RIMS2: variants seen among roughly 807,000 people sequenced by gnomAD.
RIMS2 encodes regulating synaptic membrane exocytosis 2, also known as regulating synaptic membrane exocytosis protein 2.
A neutral mutation model predicts 174.4 loss-of-function variants in RIMS2; 59 were observed. That is an observed-to-expected ratio of 0.34 (90% CI 0.27 to 0.42). RIMS2 has a LOEUF of 0.42. Among genes scored for constraint, RIMS2 ranks in the 10% least tolerant of loss-of-function variants. The pLI is 1.00. For missense variants in RIMS2, 1,620 were observed against 1,666.3 expected, an observed-to-expected ratio of 0.97 and a Z score of 0.48; for synonymous variants, 606 against 572.5, an observed-to-expected ratio of 1.06 and a Z score of -0.84.
chr8:103,899,004 G>A (rs2099311027), intron 4 of RIMS2, among the ~76,000 whole-genome samples: 1 of 151,438 alleles, frequency 6.6e-6, no homozygotes. Context: ...AGTTTGCTGA[G>A]AATGGTGGTT....
chr8:103,565,962 CA>C (rs1200687744), intron 1 of RIMS2, among the ~76,000 whole-genome samples: 1 of 151,862 alleles, frequency 6.6e-6, no homozygotes, highest in East Asian at 1.9e-4. Flanking sequence ...TTGTCAAAAC[CA>C]AAAAATGTTT....
chr8:103,664,597 A>T (rs1292767544), intron 1 of RIMS2, among the ~76,000 whole-genome samples: 1 of 152,218 alleles, frequency 6.6e-6, no homozygotes, highest in East Asian at 1.9e-4. Context: ...TGCCAGTTAG[A>T]ATGGCAATCA....
intron 3 of RIMS2, among the ~76,000 whole-genome samples, chr8:103,792,383 G>C (rs1210699836): frequency 6.6e-6 from 1 of 152,144 alleles, no homozygotes; most frequent in Non-Finnish European, 1.5e-5. Flanking sequence ...TAAGAACAAA[G>C]AAACAATGTA....
intron 1 of RIMS2, among the ~76,000 whole-genome samples, chr8:103,562,190 C>T (rs1448220866): frequency 6.6e-6 from 1 of 152,200 alleles, no homozygotes; most frequent in Non-Finnish European, 1.5e-5. Context: ...CTAACAGTCT[C>T]CCAAAGTCTT....
chr8:103,814,511 C>T (rs1360213083), intron 3 of RIMS2, among the ~76,000 whole-genome samples: 4 of 151,710 alleles, frequency 2.6e-5, no homozygotes, highest in Admixed American at 6.6e-5. Flanking sequence ...TTTGGTTGCT[C>T]TTGTCATTTG....
chr8:103,561,475 C>T (rs1444653558), intron 1 of RIMS2, among the ~76,000 whole-genome samples: 2 of 152,092 alleles, frequency 1.3e-5, no homozygotes, highest in Non-Finnish European at 2.9e-5. Context: ...AAAATTATTT[C>T]TCTGTTATGA....
At chr8:104,193,643 A>C (rs1435378247) in intron 19 of RIMS2, among the ~76,000 whole-genome samples, 4 of 152,202 alleles carry the variant, frequency 2.6e-5, no homozygotes, top group African/African-American at 9.6e-5. Context: ...TAACATGCCA[A>C]TATCAGTACA....
At chr8:103,814,898 GAT>G (rs2098709774) in intron 3 of RIMS2, among the ~76,000 whole-genome samples, 1 of 152,092 alleles carries the variant, frequency 6.6e-6, no homozygotes, top group Non-Finnish European at 1.5e-5. Flanking sequence ...CATTGCTAAT[GAT>G]ATAGCTAATC....
chr8:104,034,462 CTTTTTTTTTTTTTTTTT>C (rs200907072), intron 19 of RIMS2, among the ~76,000 whole-genome samples: 1 of 118,346 alleles, frequency 8.4e-6, no homozygotes, highest in Non-Finnish European at 1.8e-5. Context: ...CTTGCAGTAT[CTTTTTTTTTTTTTTTTT>C]TTTTTTTTGA....
At chr8:103,931,485 T>G in intron 12 of RIMS2, 92 bp downstream of exon 14, 1 of 846,032 alleles carries the variant, frequency 1.2e-6, no homozygotes, top group East Asian at 2.7e-5. Flanking sequence ...TTTATTGGTA[T>G]CATACTAGTG....
chr8:103,735,754 C>T (rs1253384166), intron 2 of RIMS2, among the ~76,000 whole-genome samples: 6 of 152,108 alleles, frequency 3.9e-5, no homozygotes, highest in Non-Finnish European at 4.4e-5. Flanking sequence ...AAATTATAAA[C>T]CTGTGTGTGC....
chr8:103,606,579 C>T (rs931249731), intron 1 of RIMS2, among the ~76,000 whole-genome samples: 22 of 152,136 alleles, frequency 1.4e-4, no homozygotes, highest in African/African-American at 4.8e-4. Context: ...TCTCATTGAT[C>T]TGTCTAATAT....
At chr8:103,989,319 A>C (rs772443154) in exon 17 of RIMS2, 1 of 1,606,982 alleles carries the variant, frequency 6.2e-7, no homozygotes, top group Non-Finnish European at 8.5e-7. Flanking sequence ...AATGTGGAAC[A>C]GGGGCTTCGA....
intron 19 of RIMS2, chr8:104,093,541 G>C: frequency 6.3e-7 from 1 of 1,597,202 alleles, no homozygotes; most frequent in African/African-American, 1.3e-5. Flanking sequence ...AGTGATGTAA[G>C]TGATATATCT....
chr8:104,104,135 C>CTG (rs982821348), intron 19 of RIMS2, among the ~76,000 whole-genome samples: 5 of 152,130 alleles, frequency 3.3e-5, no homozygotes, highest in African/African-American at 1.2e-4. Context: ...CTAATACTGC[C>CTG]TGATGGCCTT....
chr8:103,613,636 C>T (rs2095438233), intron 1 of RIMS2, among the ~76,000 whole-genome samples: 2 of 152,146 alleles, frequency 1.3e-5, no homozygotes, highest in African/African-American at 2.4e-5. Flanking sequence ...TTCACTATAG[C>T]CACCGCAGCT....
At chr8:104,108,151 T>G (rs548729372) in intron 19 of RIMS2, among the ~76,000 whole-genome samples, 1 of 152,196 alleles carries the variant, frequency 6.6e-6, no homozygotes, top group Non-Finnish European at 1.5e-5. Flanking sequence ...AGAATTCTCT[T>G]TACACTTTTC....
At chr8:103,675,746 T>A (rs867313603) in intron 1 of RIMS2, among the ~76,000 whole-genome samples, 1 of 152,118 alleles carries the variant, frequency 6.6e-6, no homozygotes, top group Non-Finnish European at 1.5e-5. Context: ...CTTTTTTTTT[T>A]ACAAAGTATC....
chr8:103,829,549 C>G (rs1168452421), intron 3 of RIMS2, among the ~76,000 whole-genome samples: 1 of 152,174 alleles, frequency 6.6e-6, no homozygotes, highest in Non-Finnish European at 1.5e-5. Flanking sequence ...ACATTATCTC[C>G]TTTGCAGCAA....
Sources: gnomAD v4.1 joint callset for allele counts (sites outside exome capture counted in the v4.1 genomes callset) on GRCh38, gnomAD v4.1.1 for gene constraint, MANE v1.5 for transcripts, NCBI Gene and HGNC (gene_info 2026-07-23, HGNC 2026-07-21) for gene names.